COL25A1: variants seen among roughly 807,000 people sequenced by gnomAD.
COL25A1 encodes the protein collagen alpha-1(XXV) chain.
In COL25A1, 103 loss-of-function variants were observed where a neutral mutation model predicts 128.4. The observed-to-expected ratio is 0.80, with a 90% CI of 0.68 to 0.94. The LOEUF (loss-of-function observed/expected upper bound fraction) is 0.94, where lower values mean the gene tolerates loss of function less well. COL25A1 is among the 40% of genes least tolerant of loss of function. The probability of loss-of-function intolerance (pLI) is 0.00; values close to 1 mark genes in which losing one functional copy is unlikely to be tolerated. For missense variants in COL25A1, 745 were observed against 840.0 expected (o/e 0.89, Z 1.40); for synonymous variants, 279 against 277.2 (o/e 1.01, Z -0.06).
chr4:108,921,611 T>A (rs1194545400), intron 11 of COL25A1, among the ~76,000 whole-genome samples: 1 of 152,152 alleles, frequency 6.6e-6, no homozygotes, highest in African/African-American at 2.4e-5. Flanking sequence ...AATAAAACAC[T>A]AGAGTGGTTG....
At chr4:108,837,975 A>G in intron 31 of COL25A1, 1 of 743,112 alleles carries the variant, frequency 1.3e-6, no homozygotes, top group Non-Finnish European at 2.4e-6. Context: ...CTGCTCTAAT[A>G]TAATATGTTT....
chr4:109,065,848 T>A, intron 3 of COL25A1, among the ~76,000 whole-genome samples: 1 of 152,070 alleles, frequency 6.6e-6, no homozygotes, highest in East Asian at 1.9e-4. Context: ...TATGGCAAGG[T>A]TTTTTATTTC....
intron 34 of COL25A1, among the ~76,000 whole-genome samples, 162 bp downstream of exon 34, chr4:108,825,034 C>A (rs577410656): frequency 2.6e-5 from 4 of 151,994 alleles, no homozygotes; most frequent in Non-Finnish European, 5.9e-5. Context: ...TTATCTCATG[C>A]AAACACTAGT....
At chr4:109,090,084 A>C (rs1764764011) in intron 3 of COL25A1, among the ~76,000 whole-genome samples, 1 of 152,154 alleles carries the variant, frequency 6.6e-6, no homozygotes, top group African/African-American at 2.4e-5. Context: ...AACATGTAAA[A>C]TGTAATAGAA....
chr4:109,268,880 G>A (rs954149348), intron 3 of COL25A1, among the ~76,000 whole-genome samples: 5 of 151,858 alleles, frequency 3.3e-5, no homozygotes, highest in Non-Finnish European at 7.4e-5. Context: ...CTCCGTCATG[G>A]TTACCTCACT....
chr4:108,950,910 C>T (rs1242632277), intron 8 of COL25A1, among the ~76,000 whole-genome samples: 3 of 152,196 alleles, frequency 2.0e-5, no homozygotes, highest in Non-Finnish European at 4.4e-5. Context: ...GTTAGAGGAG[C>T]AGGCAGTACT....
intron 6 of COL25A1, among the ~76,000 whole-genome samples, chr4:108,986,054 C>T (rs1360362173): frequency 6.6e-6 from 1 of 152,212 alleles, no homozygotes; most frequent in South Asian, 2.1e-4. Flanking sequence ...TTAACTTAAT[C>T]TATTGCCAAG....
chr4:109,139,800 T>C (rs991048830), intron 3 of COL25A1, among the ~76,000 whole-genome samples: 1 of 152,048 alleles, frequency 6.6e-6, no homozygotes, highest in African/African-American at 2.4e-5. Flanking sequence ...ATTAAGTATA[T>C]CTCCTAATGC....
chr4:108,947,703 C>G lies in COL25A1; in HGVS notation c.493-6266G>C, dbSNP rs1009734177. Among the ~76,000 whole-genome samples the G allele has an allele frequency of 2.6e-5, 4 of 152,138 alleles. No homozygotes were observed. The East Asian group carries it at 7.7e-4, about 29-fold the overall frequency. ...CAAAATGATAGATGCATATACTCTA[C>G]TTTGCTGTTTATTGCATCATCAATA... On this transcript the variant is annotated intron_variant, in intron 8 of 37. Transcript: ENST00000399132.
At chr4:108,932,543 T>C (rs941938153) in intron 11 of COL25A1, among the ~76,000 whole-genome samples, 1 of 152,150 alleles carries the variant, frequency 6.6e-6, no homozygotes, top group African/African-American at 2.4e-5. Context: ...ATGAATACGT[T>C]ATGGAGTTTA....
intron 8 of COL25A1, among the ~76,000 whole-genome samples, chr4:108,942,611 G>A (rs1226892925): frequency 6.7e-6 from 1 of 149,232 alleles, no homozygotes; most frequent in Non-Finnish European, 1.5e-5. Context: ...GCCCAGCTAA[G>A]TTTTGTATTT....
intron 5 of COL25A1, among the ~76,000 whole-genome samples, chr4:109,045,574 T>C (rs1387666911): frequency 6.6e-6 from 1 of 152,190 alleles, no homozygotes; most frequent in African/African-American, 2.4e-5. Flanking sequence ...TTAGACATTA[T>C]ACATGGAGAT....
At chr4:109,237,253 C>T (rs1779537024) in intron 3 of COL25A1, among the ~76,000 whole-genome samples, 2 of 151,904 alleles carry the variant, frequency 1.3e-5, no homozygotes. Flanking sequence ...CTTCACGTTA[C>T]AAAAAATAAG....
rs551522066 is a variant in COL25A1, at chr4:108,980,943, C to T, written c.439-6384G>A. ...CTCACAGGGAGGAAGCGGAATATCC[C>T]GTTTTTCTCTTGTACAACTAGGATA... On this transcript the variant is annotated intron_variant, in intron 6 of 37. Transcript: ENST00000399132. 2.6e-4 allele frequency among the ~76,000 whole-genome samples: 39 copies of T among 152,280 alleles called. No individual in the cohort carries two copies. In the South Asian group the frequency reaches 8.1e-3, roughly 32 times the overall value.
At position 109,133,677 on chromosome 4, in the gene COL25A1, CTGTG is replaced by C. The variant is rs1442925998; in HGVS notation, c.368-83502_368-83499del. Among the ~76,000 whole-genome samples, 9 of 152,260 alleles carry C rather than the reference CTGTG, an allele frequency of 5.9e-5. No homozygotes were observed. In the South Asian group the frequency reaches 1.9e-3, roughly 32 times the overall value. Reference sequence around the variant, plus strand: ...GAACTTAAATTATTACTGCAACACTCTGTGTGCAGAATGGTGACTGGCACAAAGT... The same window carrying C: ...GAACTTAAATTATTACTGCAACACTCTGCAGAATGGTGACTGGCACAAAGT... On this transcript the variant is annotated intron_variant, in intron 3 of 37. Transcript: ENST00000399132.
At chr4:108,836,218 T>C (rs1385001318) in intron 31 of COL25A1, among the ~76,000 whole-genome samples, 2 of 152,108 alleles carry the variant, frequency 1.3e-5, no homozygotes, top group Non-Finnish European at 1.5e-5. Flanking sequence ...TATATATTGT[T>C]GTTCATTTGT....
chr4:109,152,484 C>T (rs1295968223), intron 3 of COL25A1, among the ~76,000 whole-genome samples: 1 of 152,016 alleles, frequency 6.6e-6, no homozygotes, highest in Non-Finnish European at 1.5e-5. Flanking sequence ...CCAGTATTTC[C>T]ACATTAGTGG....
At chr4:109,011,309 C>T (rs1473335771) in intron 5 of COL25A1, among the ~76,000 whole-genome samples, 1 of 152,152 alleles carries the variant, frequency 6.6e-6, no homozygotes, top group African/African-American at 2.4e-5. Context: ...CAGAGAAGGC[C>T]CAGGAACTGT....
chr4:108,845,368 C>A, intron 28 of COL25A1, 117 bp from the exon 29 acceptor site: 1 of 763,764 alleles, frequency 1.3e-6, no homozygotes, highest in South Asian at 1.6e-5. Flanking sequence ...TATGCACTTG[C>A]TACATAAAAG....
Sources: gnomAD v4.1 joint callset for allele counts (sites outside exome capture counted in the v4.1 genomes callset) on GRCh38, gnomAD v4.1.1 for gene constraint, MANE v1.5 for transcripts, NCBI Gene and HGNC (gene_info 2026-07-23, HGNC 2026-07-21) for gene names.